Variants in BPTF observed in about 807,000 individuals in gnomAD.
BPTF encodes the protein nucleosome-remodeling factor subunit BPTF.
Under a neutral mutation model 292.5 loss-of-function variants are expected in BPTF, and 18 were observed. The observed-to-expected ratio is 0.06, with a 90% CI of 0.04 to 0.09. BPTF has a LOEUF of 0.09. Ranked by LOEUF, BPTF falls within the 10% of genes least tolerant of loss-of-function variation. The pLI is 1.00. For synonymous variants in BPTF, 1,225 were observed against 1,251.9 expected, an observed-to-expected ratio of 0.98 and a Z score of 0.45; for missense variants, 2,726 against 3,498.7, an observed-to-expected ratio of 0.78 and a Z score of 5.57.
intron 1 of BPTF, among the ~76,000 whole-genome samples, chr17:67,836,190 T>C (rs974108273): frequency 6.6e-6 from 1 of 152,196 alleles, no homozygotes; most frequent in African/African-American, 2.4e-5. Context: ...GGCCAAATTA[T>C]TTATCTATGG....
rs1555682955 is a variant in BPTF at position 67,959,672 on chromosome 17, A to C, written c.8058A>C (p.Ser2686=). 81 of 1,369,412 alleles carry C rather than the reference A, an allele frequency of 5.9e-5. No individual in the cohort carries two copies. The highest frequency in any genetic ancestry group is 3.4e-4 in the East Asian group (10 of 29,688). The allele number at this position is 1,369,412 out of a possible 1,614,324, so 84.8% of individuals were successfully genotyped here. Residue 2686 remains serine (S), a synonymous_variant, in exon 24 of 28, where the codon TCA becomes TCC. Transcript: ENST00000306378. Reference sequence around the variant, plus strand: ...CAGCCCCTCCAGCCCCTCCACCTTCACCTCCCCCTCCACCTGCTGTGCAAC... The same window carrying C: ...CAGCCCCTCCAGCCCCTCCACCTTCCCCTCCCCCTCCACCTGCTGTGCAAC... The part of the protein sequence containing the change: ...APPAPPAPPP[S]PPPPPAVQHT...
intron 27 of BPTF, among the ~76,000 whole-genome samples, chr17:67,978,340 C>T (rs1256066627): frequency 1.5e-4 from 23 of 150,164 alleles, no homozygotes; most frequent in African/African-American, 5.2e-4. Context: ...ACTCTGTTGC[C>T]CAGGCTGGAG....
intron 4 of BPTF, among the ~76,000 whole-genome samples, chr17:67,889,843 C>T (rs988689064): frequency 6.6e-6 from 1 of 151,778 alleles, no homozygotes; most frequent in African/African-American, 2.4e-5. Context: ...GATCTGAGAC[C>T]CAAGAGAAAA....
At chr17:67,895,332 C>CAAAAAA (rs35234780) in intron 7 of BPTF, among the ~76,000 whole-genome samples, 2 of 56,650 alleles carry the variant, frequency 3.5e-5, no homozygotes, top group Admixed American at 2.5e-4. Context: ...GACTTCATCT[C>CAAAAAA]AAAAAAAAAA....
chr17:67,858,741 A>G (rs2058885564), intron 2 of BPTF, among the ~76,000 whole-genome samples: 2 of 152,298 alleles, frequency 1.3e-5, no homozygotes, highest in South Asian at 4.1e-4. Context: ...ATGGCTGGGA[A>G]CAAATTAGGA....
chr17:67,947,336 T>C (rs782191434), intron 21 of BPTF, among the ~76,000 whole-genome samples: 7 of 152,208 alleles, frequency 4.6e-5, no homozygotes, highest in Non-Finnish European at 1.0e-4. Flanking sequence ...TCTTTAAAAT[T>C]CATTCCTGGG....
intron 4 of BPTF, among the ~76,000 whole-genome samples, chr17:67,880,298 ATTTT>A (rs1412511747): frequency 6.6e-6 from 1 of 151,588 alleles, no homozygotes; most frequent in African/African-American, 2.4e-5. Flanking sequence ...TGGTCTTAGT[ATTTT>A]GTCCTTCCTT....
chr17:67,949,490 G>T (rs146113470), intron 23 of BPTF, among the ~76,000 whole-genome samples: 2,596 of 151,122 alleles, frequency 0.017, 64 homozygotes, highest in African/African-American at 0.055. Context: ...CAGGATAATC[G>T]TTTGAACCTG....
At chr17:67,853,812 A>G (rs1287075226) in intron 1 of BPTF, 128 bp from the exon 2 acceptor site, 4 of 721,926 alleles carry the variant, frequency 5.5e-6, no homozygotes, top group Non-Finnish European at 6.8e-6. Context: ...GCTTCTTCGT[A>G]TTATTTTAAC....
At chr17:67,971,763 C>G (rs367897161) in intron 26 of BPTF, among the ~76,000 whole-genome samples, 207 of 146,712 alleles carry the variant, frequency 1.4e-3, no homozygotes, top group African/African-American at 5.0e-3. Context: ...AAGATCGTTG[C>G]GTTGCAGTGA....
chr17:67,909,497 A>T, intron 9 of BPTF, 85 bp from the exon 10 acceptor site: 2 of 859,716 alleles, frequency 2.3e-6, no homozygotes, highest in Non-Finnish European at 3.3e-6. Flanking sequence ...GCTGGAAATT[A>T]CTTGTTTATT....
In BPTF at chr17:67,826,054, C is replaced by G; in HGVS notation, c.330C>G (p.His110Gln). The G allele has an allele frequency of 2.4e-6, 3 of 1,224,648 alleles. No individual in the cohort carries two copies. Among genetic ancestry groups the G allele is most frequent in the Non-Finnish European group, 3.2e-6 (3 of 940,602 alleles). The allele number at this position is 1,224,648 out of a possible 1,614,324, so 75.9% of individuals were successfully genotyped here. Residue 110 changes from histidine (H) to glutamine (Q), a missense_variant, in exon 1 of 28, where the codon CAC becomes CAG. By Grantham distance (24) the His-to-Gln change is conservative (BLOSUM62 0). Transcript: ENST00000306378. ...GRTGGGGGGG[H>Q]LARTTAARRA... ...CGGGGGGCGGGGGCGGCGGCGGCCA[C>G]CTGGCCCGGACCACCGCGGCCCGGA...
chr17:67,917,867 A>G (rs2063152939), intron 11 of BPTF, among the ~76,000 whole-genome samples: 1 of 152,110 alleles, frequency 6.6e-6, no homozygotes, highest in Non-Finnish European at 1.5e-5. Context: ...GCTGGAATGC[A>G]GTGGCCGGAT....
intron 4 of BPTF, among the ~76,000 whole-genome samples, chr17:67,885,512 C>G (rs566185641): frequency 3.3e-5 from 5 of 152,292 alleles, no homozygotes; most frequent in African/African-American, 7.2e-5. Context: ...ATCTCTTGAA[C>G]CTGGGAGGTG....
intron 27 of BPTF, chr17:67,981,509 A>AC: frequency 8.6e-7 from 1 of 1,162,770 alleles, no homozygotes. Flanking sequence ...GTTTTATTGT[A>AC]CCTCGTGATT....
Position 67,899,533 on chromosome 17 carries a change from CTTTTTTTTTT to C in BPTF, c.2544-4249_2544-4240del, listed in dbSNP as rs573598642. On this transcript the variant is annotated intron_variant, in intron 7 of 27. Transcript: ENST00000306378. ...TTATACTTGATGCTGAGTTTTTTTT[CTTTTTTTTTT>C]TTTTTTGAGACAGAATCTTGTTTGT... 3.7e-5 allele frequency among the ~76,000 whole-genome samples: 5 copies of C among 135,080 alleles called. No individual in the cohort carries two copies. In the South Asian group the frequency reaches 1.2e-3, roughly 32 times the overall value. The allele number at this position is 135,080 out of a possible 152,430, so 88.6% of individuals were successfully genotyped here.
intron 19 of BPTF, among the ~76,000 whole-genome samples, chr17:67,942,293 C>T (rs921459046): frequency 1.4e-5 from 2 of 147,254 alleles, no homozygotes; most frequent in African/African-American, 2.5e-5. Flanking sequence ...CCAACCTAGG[C>T]AACAGACTCC....
chr17:67,892,334 A>G (rs191424837), intron 5 of BPTF, among the ~76,000 whole-genome samples: 1 of 152,250 alleles, frequency 6.6e-6, no homozygotes, highest in African/African-American at 2.4e-5. Flanking sequence ...TTCTTTACAC[A>G]TATGAGTAGG....
chr17:67,839,271 G>A (rs1478725114), intron 1 of BPTF, among the ~76,000 whole-genome samples: 1 of 151,978 alleles, frequency 6.6e-6, no homozygotes, highest in Non-Finnish European at 1.5e-5. Context: ...TTAACTGTGG[G>A]TTTGAGACCT....
Sources: allele counts gnomAD v4.1 joint callset (sites outside exome capture counted in the v4.1 genomes callset), GRCh38; gene constraint gnomAD v4.1.1; transcripts MANE v1.5; gene names NCBI Gene and HGNC (gene_info 2026-07-23, HGNC 2026-07-21).